Variants in ESR1 observed in about 807,000 individuals in gnomAD.
ESR1 encodes the protein estrogen receptor 1, also known as estrogen receptor.
Under a neutral mutation model 52.7 loss-of-function variants are expected in ESR1, and 12 were observed. That is an observed-to-expected ratio of 0.23 (90% CI 0.15 to 0.37). ESR1 has a LOEUF of 0.37. ESR1 is among the 10% of genes least tolerant of loss of function. The pLI is 1.00. For missense variants in ESR1, 584 were observed against 779.7 expected, an observed-to-expected ratio of 0.75 and a Z score of 2.99; for synonymous variants, 305 against 316.8, an observed-to-expected ratio of 0.96 and a Z score of 0.39.
intron 3 of ESR1, among the ~76,000 whole-genome samples, chr6:151,910,716 T>G (rs1218033945): frequency 6.6e-6 from 1 of 152,226 alleles, no homozygotes; most frequent in African/African-American, 2.4e-5. Context: ...GGTAAAGCAA[T>G]CTATTAAAGT....
intron 2 of ESR1, among the ~76,000 whole-genome samples, chr6:151,870,325 G>A (rs1790721827): frequency 6.6e-6 from 1 of 152,126 alleles, no homozygotes; most frequent in South Asian, 2.1e-4. Context: ...CTATGGAAGT[G>A]TTAGGAATCA....
At chr6:152,043,559 G>A (rs1405367862) in intron 5 of ESR1, among the ~76,000 whole-genome samples, 1 of 152,172 alleles carries the variant, frequency 6.6e-6, no homozygotes, top group Non-Finnish European at 1.5e-5. Flanking sequence ...TATTGAGGGT[G>A]GGTCCTTAGG....
At chr6:151,823,590 T>C (rs773465812) in intron 1 of ESR1, among the ~76,000 whole-genome samples, 1 of 152,180 alleles carries the variant, frequency 6.6e-6, no homozygotes, top group Non-Finnish European at 1.5e-5. Flanking sequence ...TCCTTTACAT[T>C]AGGTATATCT....
intron 5 of ESR1, among the ~76,000 whole-genome samples, chr6:152,025,448 C>A (rs984911056): frequency 6.6e-6 from 1 of 151,732 alleles, no homozygotes; most frequent in Non-Finnish European, 1.5e-5. Flanking sequence ...CTTTCTATTC[C>A]TTCTGGAGTC....
At chr6:151,657,256 A>T (rs1777486816) in intron 1 of ESR1, among the ~76,000 whole-genome samples, 1 of 152,222 alleles carries the variant, frequency 6.6e-6, no homozygotes, top group African/African-American at 2.4e-5. Flanking sequence ...ATATAGATAC[A>T]TTTAAGACCC....
chr6:151,875,372 C>A (rs897256331), intron 2 of ESR1, among the ~76,000 whole-genome samples: 10 of 152,186 alleles, frequency 6.6e-5, no homozygotes, highest in African/African-American at 2.4e-4. Flanking sequence ...AGTCATCCCC[C>A]TCAGGAGGCC....
chr6:152,113,072 G>T (rs931059879), intron 6 of ESR1: 1 of 336 alleles, frequency 3.0e-3, no homozygotes, highest in Non-Finnish European at 3.8e-3. Flanking sequence ...AGCGCAAAAG[G>T]CCGGGGCGCT....
intron 2 of ESR1, among the ~76,000 whole-genome samples, chr6:151,872,238 G>A (rs1401533004): frequency 1.3e-5 from 2 of 152,094 alleles, no homozygotes; most frequent in Non-Finnish European, 2.9e-5. Flanking sequence ...AGTTTATGAC[G>A]GAAATCTCAT....
intron 6 of ESR1, among the ~76,000 whole-genome samples, chr6:152,113,799 TA>T (rs2051175942): frequency 6.6e-6 from 1 of 152,114 alleles, no homozygotes; most frequent in African/African-American, 2.4e-5. Flanking sequence ...ATTAATGTAT[TA>T]ACGTCATAAC....
intron 6 of ESR1, among the ~76,000 whole-genome samples, chr6:152,091,522 C>A (rs1211734722): frequency 6.6e-6 from 1 of 152,178 alleles, no homozygotes. Flanking sequence ...GGAAGTAAGG[C>A]TTGGAATCCT....
rs539295395 is a variant in ESR1, at chr6:151,940,669, G to A, written c.761-3504G>A. On this transcript the variant is annotated intron_variant, in intron 3 of 7. Coordinates refer to ENST00000206249, the MANE Select transcript of ESR1 (RefSeq NM_000125.4). ...ATCCTTTCTTAGAGAAGTTTTCTTT[G>A]TCTCCTTCTTCCCCAGTCACTTCCT... 4.6e-5 allele frequency among the ~76,000 whole-genome samples: 7 copies of A among 152,228 alleles called. No individual in the cohort carries two copies. The South Asian group carries it at 1.0e-3, about 23-fold the overall frequency.
At chr6:151,960,434 A>C (rs1345801791) in intron 4 of ESR1, among the ~76,000 whole-genome samples, 1 of 152,172 alleles carries the variant, frequency 6.6e-6, no homozygotes, top group Non-Finnish European at 1.5e-5. Flanking sequence ...AGATCTTTTG[A>C]GCAACACCTG....
At chr6:151,989,676 C>A (rs1015027497) in intron 4 of ESR1, among the ~76,000 whole-genome samples, 1 of 152,034 alleles carries the variant, frequency 6.6e-6, no homozygotes, top group African/African-American at 2.4e-5. Flanking sequence ...TGTATTATGA[C>A]ATTGTTGTCC....
chr6:152,098,999 C>T lies in ESR1; in HGVS notation c.*33C>T, dbSNP rs750222373. On this transcript the variant is annotated 3_prime_UTR_variant, in exon 8 of 8. Transcript: ENST00000206249. The surrounding 1 kb of genome is among the most constrained non-coding windows in gnomAD (Gnocchi z 5.1). ...CTGGCTCCCACACGGTTCAGATAAT[C>T]CCTGCTGCATTTTACCCTCATCATG... is the stretch of plus-strand genomic sequence containing the variant. The T allele has an allele frequency of 6.4e-7, 1 of 1,571,722 alleles. No homozygotes were observed. The highest frequency in any genetic ancestry group is 8.8e-7 in the Non-Finnish European group (1 of 1,142,820).
At chr6:151,897,030 T>C (rs1459033885) in intron 3 of ESR1, among the ~76,000 whole-genome samples, 1 of 152,192 alleles carries the variant, frequency 6.6e-6, no homozygotes, top group Non-Finnish European at 1.5e-5. Context: ...TTTATTCCAC[T>C]GTGGACTGAG....
intron 4 of ESR1, among the ~76,000 whole-genome samples, chr6:152,009,146 T>G (rs1584786896): frequency 6.6e-6 from 1 of 152,048 alleles, no homozygotes; most frequent in African/African-American, 2.4e-5. Flanking sequence ...AAATCATTGC[T>G]TTTTCATCTT....
chr6:151,680,158 G>A (rs1021590230), intron 1 of ESR1, among the ~76,000 whole-genome samples: 3 of 151,940 alleles, frequency 2.0e-5, no homozygotes, highest in East Asian at 3.9e-4. Context: ...GTTCTGGTGA[G>A]GGCCTCTTCC....
chr6:151,849,643 CAA>C (rs34495255), intron 2 of ESR1, among the ~76,000 whole-genome samples: 17 of 132,402 alleles, frequency 1.3e-4, no homozygotes, highest in Non-Finnish European at 1.9e-4. Flanking sequence ...GACTTCATCT[CAA>C]AAAAAAAAAA....
rs530102951 is a variant in ESR1, at chr6:151,951,499, T to A, written c.1096+6991T>A. On this transcript the variant is annotated intron_variant, in intron 4 of 7. Coordinates refer to ENST00000206249, the MANE Select transcript of ESR1 (RefSeq NM_000125.4). ...ATATTAACTGCATAGATAGTGTGAT[T>A]CATCTGTCCTGCTTGGACATATTTA... is the stretch of plus-strand genomic sequence containing the variant. Among the ~76,000 whole-genome samples, 20 of 152,372 alleles carry A rather than the reference T, an allele frequency of 1.3e-4. No homozygotes were observed. In the South Asian group the frequency reaches 3.5e-3, roughly 27 times the overall value.
Sources: gnomAD v4.1 joint callset for allele counts (sites outside exome capture counted in the v4.1 genomes callset) on GRCh38, gnomAD v4.1.1 for gene constraint, Gnocchi (gnomAD v3.1) non-coding constraint, MANE v1.5 for transcripts, NCBI Gene and HGNC (gene_info 2026-07-23, HGNC 2026-07-21) for gene names.